Variants in MYO3B observed in about 807,000 individuals in gnomAD.
MYO3B encodes myosin-IIIb.
A neutral mutation model predicts 174.6 loss-of-function variants in MYO3B; 156 were observed. The observed-to-expected ratio is 0.89, with a 90% confidence interval of 0.78 to 1.02. The LOEUF (loss-of-function observed/expected upper bound fraction) is 1.02. Ranked by LOEUF, MYO3B falls within the 50% of genes least tolerant of loss-of-function variation. MYO3B has a pLI of 0.00. For synonymous variants in MYO3B, 563 were observed against 569.1 expected, an observed-to-expected ratio of 0.99 and a Z score of 0.15; for missense variants, 1,632 against 1,639.4, an observed-to-expected ratio of 1.00 and a Z score of 0.08.
chr2:170,622,843 A>C (rs1696057066), intron 32 of MYO3B, among the ~76,000 whole-genome samples: 1 of 147,860 alleles, frequency 6.8e-6, no homozygotes, highest in Admixed American at 7.0e-5. Flanking sequence ...TGTCCTTGTG[A>C]GGGTTTGCTC....
At chr2:170,501,611 A>G (rs1443410477) in intron 27 of MYO3B, among the ~76,000 whole-genome samples, 174 bp from the exon 28 acceptor site, 3 of 152,314 alleles carry the variant, frequency 2.0e-5, no homozygotes, top group Admixed American at 6.5e-5. Flanking sequence ...AGCTGTGAGA[A>G]CAGAGAGGCC....
At chr2:170,472,847 T>G (rs1685060906) in intron 25 of MYO3B, among the ~76,000 whole-genome samples, 1 of 151,516 alleles carries the variant, frequency 6.6e-6, no homozygotes, top group Admixed American at 6.6e-5. Flanking sequence ...GCCACAGGCG[T>G]GCACCACCAT....
intron 7 of MYO3B, among the ~76,000 whole-genome samples, chr2:170,328,876 A>G (rs961645256): frequency 2.0e-5 from 3 of 152,148 alleles, no homozygotes; most frequent in Non-Finnish European, 1.5e-5. Flanking sequence ...AAAATTATAA[A>G]AATTAAGGCC....
intron 32 of MYO3B, among the ~76,000 whole-genome samples, chr2:170,650,643 C>A (rs1698930434): frequency 7.4e-6 from 1 of 135,816 alleles, no homozygotes; most frequent in East Asian, 2.3e-4. Flanking sequence ...TCCAAAAAAT[C>A]ATTTGCTTGG....
At chr2:170,583,678 T>C (rs970237401) in intron 32 of MYO3B, among the ~76,000 whole-genome samples, 3 of 152,214 alleles carry the variant, frequency 2.0e-5, no homozygotes, top group African/African-American at 7.2e-5. Flanking sequence ...TCACACAATA[T>C]TGTATTTAAT....
chr2:170,607,932 GAA>G (rs1400706635), intron 32 of MYO3B, among the ~76,000 whole-genome samples: 1 of 152,176 alleles, frequency 6.6e-6, no homozygotes, highest in Non-Finnish European at 1.5e-5. Flanking sequence ...TTGTTGATTT[GAA>G]AGATATGTTT....
intron 1 of MYO3B, among the ~76,000 whole-genome samples, chr2:170,198,052 GC>G (rs1280278415): frequency 1.3e-5 from 2 of 151,490 alleles, no homozygotes; most frequent in South Asian, 4.2e-4. Flanking sequence ...AGCTCCTAGG[GC>G]CTCTGAAAAG....
intron 8 of MYO3B, among the ~76,000 whole-genome samples, chr2:170,353,322 G>A (rs1375764741): frequency 6.6e-6 from 1 of 152,110 alleles, no homozygotes. Flanking sequence ...TCTATATACT[G>A]TAGGATTCCA....
Position 170,265,016 on chromosome 2 carries a change from G to A in MYO3B, c.749+28880G>A, listed in dbSNP as rs965229619. On this transcript the variant is annotated intron_variant, in intron 7 of 34. Coordinates refer to ENST00000408978, the MANE Select transcript of MYO3B (RefSeq NM_138995.5). ...ATGTGAGAGGAGATAATTGTTGAGG[G>A]CAGAGTTTTAAAAAGCCTTTTAAAG... 8.5e-5 allele frequency among the ~76,000 whole-genome samples: 13 copies of A among 152,212 alleles called. No individual in the cohort carries two copies. In the East Asian group the frequency reaches 2.5e-3, roughly 29 times the overall value.
chr2:170,644,910 G>T (rs1236881484), intron 32 of MYO3B, among the ~76,000 whole-genome samples: 1 of 152,158 alleles, frequency 6.6e-6, no homozygotes, highest in African/African-American at 2.4e-5. Flanking sequence ...AGAAAGATGT[G>T]TTAAAGTTCT....
chr2:170,520,623 C>G (rs1200650806), intron 30 of MYO3B, among the ~76,000 whole-genome samples: 1 of 151,976 alleles, frequency 6.6e-6, no homozygotes, highest in Non-Finnish European at 1.5e-5. Flanking sequence ...AAGGGAGTAT[C>G]ATTTCCTGTT....
intron 7 of MYO3B, among the ~76,000 whole-genome samples, chr2:170,297,058 G>A (rs2093633384): frequency 6.6e-6 from 1 of 152,120 alleles, no homozygotes; most frequent in Admixed American, 6.5e-5. Flanking sequence ...ACACAGATCC[G>A]AACCATATTA....
At chr2:170,398,228 G>GAA (rs34432719) in intron 16 of MYO3B, among the ~76,000 whole-genome samples, 9 of 87,954 alleles carry the variant, frequency 1.0e-4, no homozygotes, top group Non-Finnish European at 1.5e-4. Flanking sequence ...TGTCTCAAAA[G>GAA]AAAAAAAAAA....
At chr2:170,234,177 AAAAAAAAAAACAAAAC>A (rs1434810229) in intron 6 of MYO3B, among the ~76,000 whole-genome samples, 2 of 68,064 alleles carry the variant, frequency 2.9e-5, no homozygotes, top group African/African-American at 1.5e-4. Context: ...TCTCAAAAAA[AAAAAAAAAAACAAAAC>A]AAAACAAAAA....
At chr2:170,633,699 T>C (rs997004505) in intron 32 of MYO3B, among the ~76,000 whole-genome samples, 1 of 151,602 alleles carries the variant, frequency 6.6e-6, no homozygotes, top group Non-Finnish European at 1.5e-5. Context: ...TTGCAGATGA[T>C]TGTATATTTA....
intron 18 of MYO3B, among the ~76,000 whole-genome samples, chr2:170,401,954 C>T (rs1216310051): frequency 6.6e-6 from 1 of 152,128 alleles, no homozygotes; most frequent in Non-Finnish European, 1.5e-5. Context: ...AGGCGCGTGC[C>T]ACCACGCCCG....
chr2:170,448,824 C>T (rs749946586), intron 23 of MYO3B, among the ~76,000 whole-genome samples: 11 of 151,138 alleles, frequency 7.3e-5, no homozygotes, highest in Admixed American at 2.0e-4. Context: ...TTTTCTCTCA[C>T]GAGTCCCCAG....
chr2:170,442,598 A>T (rs2094809429), intron 22 of MYO3B, among the ~76,000 whole-genome samples: 1 of 150,592 alleles, frequency 6.6e-6, no homozygotes, highest in South Asian at 2.1e-4. Context: ...GGTGTGCTGC[A>T]CCCATTAACT....
intron 6 of MYO3B, among the ~76,000 whole-genome samples, chr2:170,228,097 C>T (rs536034324): frequency 6.6e-6 from 1 of 152,292 alleles, no homozygotes; most frequent in South Asian, 2.1e-4. Flanking sequence ...TTAATGCTTG[C>T]GTGCTGTGCC....
Sources: allele counts gnomAD v4.1 joint callset (sites outside exome capture counted in the v4.1 genomes callset), GRCh38; gene constraint gnomAD v4.1.1; transcripts MANE v1.5; gene names NCBI Gene and HGNC (gene_info 2026-07-23, HGNC 2026-07-21).